GOLM1: variants seen among roughly 807,000 people sequenced by gnomAD.
The protein encoded by GOLM1 is epididymis luminal protein 46.
In GOLM1, 31 loss-of-function variants were observed where a neutral mutation model predicts 50.5. The observed-to-expected ratio is 0.61, with a 90% CI of 0.46 to 0.83. The LOEUF is 0.83. Among genes scored for constraint, GOLM1 ranks in the 40% least tolerant of loss-of-function variants. GOLM1 has a pLI of 0.00. For missense variants in GOLM1, 491 were observed against 501.3 expected (o/e 0.98, Z 0.20); for synonymous variants, 178 against 192.8 (o/e 0.92, Z 0.64).
chr9:86,078,788 A>G (rs1834699154), intron 2 of GOLM1, among the ~76,000 whole-genome samples: 1 of 152,184 alleles, frequency 6.6e-6, no homozygotes, highest in African/African-American at 2.4e-5. Context: ...TTAAAAACAT[A>G]TTTCTTACAC....
At chr9:86,040,629 C>A in intron 6 of GOLM1, 110 bp downstream of exon 6, 1 of 1,020,298 alleles carries the variant, frequency 9.8e-7, no homozygotes, top group Non-Finnish European at 1.5e-6. Flanking sequence ...GGGAGCCAAG[C>A]CCGCAAAGGA....
chr9:86,028,661 AAC>A (rs1173115388), intron 9 of GOLM1, among the ~76,000 whole-genome samples: 2 of 152,036 alleles, frequency 1.3e-5, no homozygotes, highest in African/African-American at 2.4e-5. Flanking sequence ...AACGCACTGC[AAC>A]ACACACCCAG....
chr9:86,093,746 T>C (rs1008493809), intron 1 of GOLM1, among the ~76,000 whole-genome samples: 21 of 152,220 alleles, frequency 1.4e-4, no homozygotes, highest in Admixed American at 1.2e-3. Context: ...AAAAGGCATA[T>C]GAAAATGGAC....
At chr9:86,090,394 T>C (rs1343622659) in intron 1 of GOLM1, among the ~76,000 whole-genome samples, 1 of 152,124 alleles carries the variant, frequency 6.6e-6, no homozygotes, top group African/African-American at 2.4e-5. Flanking sequence ...GGGAGTTTTA[T>C]CTGTAAGACT....
intron 3 of GOLM1, among the ~76,000 whole-genome samples, chr9:86,076,329 G>A (rs1460431710): frequency 6.9e-6 from 1 of 145,410 alleles, no homozygotes; most frequent in African/African-American, 2.5e-5. Context: ...GCTGAGGCAG[G>A]AGAATTGCTT....
intron 5 of GOLM1, 126 bp downstream of exon 5, chr9:86,046,344 G>A (rs932505076): frequency 4.6e-6 from 3 of 649,842 alleles, no homozygotes; most frequent in Non-Finnish European, 5.7e-6. Flanking sequence ...AGGGGCCCGT[G>A]CCTTTCTCAG....
chr9:86,088,574 T>TTTG (rs1554675563), intron 1 of GOLM1, among the ~76,000 whole-genome samples: 2,065 of 28,540 alleles, frequency 0.072, 73 homozygotes, highest in African/African-American at 0.27. Flanking sequence ...CTGGTTTTGT[T>TTTG]TTTTTTTTTT....
intron 8 of GOLM1, 62 bp from the exon 9 acceptor site, chr9:86,033,457 C>CA: frequency 6.8e-6 from 7 of 1,024,356 alleles, no homozygotes; most frequent in Non-Finnish European, 1.1e-5. Flanking sequence ...ACAGGACTAT[C>CA]AGAGCACAAG....
rs183934120 is a variant in GOLM1 at position 86,038,132 on chromosome 9, C to T, written c.598-1625G>A. Among the ~76,000 whole-genome samples the T allele has an allele frequency of 1.5e-3, 219 of 144,078 alleles. 1 individual carries two copies. The highest frequency in any genetic ancestry group is 5.4e-3 in the African/African-American group (210 of 38,538). The allele number at this position is 144,078 out of a possible 152,430, so 94.5% of individuals were successfully genotyped here. A position where few individuals can be genotyped will look rare whatever the true frequency, so the allele number is the denominator to read the frequency against. The stretch of plus-strand genomic sequence containing the variant: ...TTGCGCCATTGCACTCCAGCCTGGG[C>T]GATAAAAGCAAAACTCCAACACCAA... On this transcript the variant is annotated intron_variant, in intron 6 of 9. Transcript: ENST00000388712.
intron 1 of GOLM1, among the ~76,000 whole-genome samples, chr9:86,097,591 C>A (rs545406852): frequency 6.6e-6 from 1 of 152,298 alleles, no homozygotes; most frequent in South Asian, 2.1e-4. Flanking sequence ...CCTCAGGGAC[C>A]ACGCTGCCTT....
chr9:86,089,336 T>C (rs1391109536), intron 1 of GOLM1, among the ~76,000 whole-genome samples: 1 of 152,206 alleles, frequency 6.6e-6, no homozygotes, highest in East Asian at 1.9e-4. Context: ...TCCTGGATAA[T>C]ATCCTGAAGA....
intron 1 of GOLM1, among the ~76,000 whole-genome samples, chr9:86,093,548 C>T (rs955641305): frequency 3.8e-4 from 55 of 143,756 alleles, no homozygotes; most frequent in African/African-American, 1.3e-3. Context: ...CCAGCCTGGG[C>T]GACAGAGCAA....
intron 3 of GOLM1, among the ~76,000 whole-genome samples, chr9:86,056,402 A>C (rs1833987066): frequency 1.3e-5 from 2 of 149,886 alleles, no homozygotes; most frequent in Admixed American, 1.3e-4. Flanking sequence ...ATTTTCAGGG[A>C]AACTACGAAA....
intron 4 of GOLM1, among the ~76,000 whole-genome samples, chr9:86,048,769 G>A (rs1172487687): frequency 6.6e-6 from 1 of 152,130 alleles, no homozygotes; most frequent in East Asian, 1.9e-4. Context: ...ATAGATTCTG[G>A]ATATTAGCTC....
At chr9:86,099,772 C>T (rs1389608868), upstream of GOLM1, among the ~76,000 whole-genome samples, 7 of 152,046 alleles carry the variant, frequency 4.6e-5, no homozygotes, top group Non-Finnish European at 2.9e-5. Flanking sequence ...TGCCCCTTCC[C>T]CCGGGCCACC....
chr9:86,098,626 TATA>T (rs1835424928), intron 1 of GOLM1, among the ~76,000 whole-genome samples: 1 of 152,270 alleles, frequency 6.6e-6, no homozygotes, highest in Non-Finnish European at 1.5e-5. Flanking sequence ...GTATTTCAAA[TATA>T]ATAATTCTTA....
At position 86,064,894 on chromosome 9, in the gene GOLM1, C is replaced by T. The variant is rs542951070; in HGVS notation, c.310-12303G>A. Among the ~76,000 whole-genome samples the T allele has an allele frequency of 2.6e-5, 4 of 152,280 alleles. No homozygotes were observed. In the East Asian group the frequency reaches 5.8e-4, roughly 22 times the overall value. On this transcript the variant is annotated intron_variant, in intron 3 of 9. Coordinates refer to ENST00000388712, the MANE Select transcript of GOLM1 (RefSeq NM_016548.4). ...TGTGCTTTCCTGAACCACAAAGGCT[C>T]GGAAGCTAAAATGCACCTTCCAGAA... is the stretch of plus-strand genomic sequence containing the variant.
intron 5 of GOLM1, among the ~76,000 whole-genome samples, chr9:86,045,070 T>C (rs1333132871): frequency 6.6e-6 from 1 of 152,198 alleles, no homozygotes; most frequent in Non-Finnish European, 1.5e-5. Context: ...AATTTTACTT[T>C]TATAAATAAA....
At chr9:86,075,796 G>T (rs1420517138) in intron 3 of GOLM1, among the ~76,000 whole-genome samples, 1 of 151,134 alleles carries the variant, frequency 6.6e-6, no homozygotes, top group East Asian at 1.9e-4. Context: ...TTCTTTTTGA[G>T]AGATGAGGTT....
Sources: allele counts gnomAD v4.1 joint callset (sites outside exome capture counted in the v4.1 genomes callset), GRCh38; gene constraint gnomAD v4.1.1; transcripts MANE v1.5; gene names NCBI Gene and HGNC (gene_info 2026-07-23, HGNC 2026-07-21).